TNS3: variants seen among roughly 807,000 people sequenced by gnomAD.
The protein encoded by TNS3 is tensin-3.
TNS3 carries 45 observed loss-of-function variants against 140.9 expected under a neutral mutation model. The observed-to-expected ratio is 0.32, with a 90% CI of 0.25 to 0.41. The LOEUF is 0.41. TNS3 is among the 10% of genes least tolerant of loss of function. TNS3 has a pLI of 1.00. For synonymous variants in TNS3, 815 were observed against 788.4 expected, an observed-to-expected ratio of 1.03 and a Z score of -0.56; for missense variants, 1,716 against 1,906.7, an observed-to-expected ratio of 0.90 and a Z score of 1.86.
intron 1 of TNS3, among the ~76,000 whole-genome samples, chr7:47,552,797 G>C (rs1051122235): frequency 2.0e-5 from 3 of 152,174 alleles, no homozygotes; most frequent in African/African-American, 7.2e-5. Context: ...TCTCTTAAAA[G>C]CTAGAAATGA....
chr7:47,435,441 T>C (rs1448939440), intron 7 of TNS3, 37 bp from the exon 8 acceptor site: 9 of 1,609,256 alleles, frequency 5.6e-6, no homozygotes, highest in East Asian at 2.2e-5. Context: ...GGTTTCCATT[T>C]CCTAAAACCT....
chr7:47,491,202 T>C (rs1356278632), intron 3 of TNS3, among the ~76,000 whole-genome samples: 3 of 152,204 alleles, frequency 2.0e-5, no homozygotes, highest in Non-Finnish European at 4.4e-5. Context: ...AGGCTGAACA[T>C]GCACGGTATG....
chr7:47,389,104 G>A (rs377708128), intron 16 of TNS3, among the ~76,000 whole-genome samples: 2,273 of 29,878 alleles, frequency 0.076, 661 homozygotes, highest in African/African-American at 0.39. Context: ...AAGAGGAAGC[G>A]GAAGCAGAAG....
In TNS3 at chr7:47,277,738, T is replaced by G; in HGVS notation, c.*338A>C. ...TTCCTCATCCCCCGGAATGCTAGTG[T>G]GCCAGGGACATGGGGACCACCTCGT... On this transcript the variant is annotated 3_prime_UTR_variant, in exon 31 of 31. Coordinates refer to ENST00000311160, the MANE Select transcript of TNS3 (RefSeq NM_022748.12). The G allele has an allele frequency of 2.7e-6, 1 of 367,764 alleles. No homozygotes were observed. Among genetic ancestry groups the G allele is most frequent in the Non-Finnish European group, 5.2e-6 (1 of 192,608 alleles). 22.8% of individuals were successfully genotyped at this position (367,764 alleles called of 1,614,324 possible). A position where few individuals can be genotyped will look rare whatever the true frequency, so the allele number is the denominator to read the frequency against.
In TNS3 at chr7:47,275,643, T is replaced by C; in HGVS notation, c.*2433A>G. On this transcript the variant is annotated 3_prime_UTR_variant, in exon 31 of 31. Transcript: ENST00000311160. ...CACAGCTTGTTCTGTTTAATGCACA[T>C]GTAACACAAAAGGAAGAAAGAAACT... is the stretch of plus-strand genomic sequence containing the variant. The C allele has an allele frequency of 2.7e-6, 1 of 374,020 alleles. No individual in the cohort carries two copies. Among genetic ancestry groups the C allele is most frequent in the South Asian group, 2.0e-5 (1 of 49,632 alleles). The allele number at this position is 374,020 out of a possible 1,614,324, so 23.2% of individuals were successfully genotyped here.
chr7:47,520,560 G>C (rs1186359862), intron 2 of TNS3, among the ~76,000 whole-genome samples: 2 of 152,202 alleles, frequency 1.3e-5, no homozygotes, highest in Non-Finnish European at 2.9e-5. Flanking sequence ...CCCAGCCACA[G>C]AGTTAGAAAA....
intron 1 of TNS3, among the ~76,000 whole-genome samples, chr7:47,534,318 C>T (rs1799525490): frequency 6.6e-6 from 1 of 151,416 alleles, no homozygotes; most frequent in African/African-American, 2.4e-5. Flanking sequence ...GAGTCCTGAA[C>T]CAAGCAGAAG....
chr7:47,393,505 G>A (rs992380596), intron 16 of TNS3, among the ~76,000 whole-genome samples: 13 of 152,206 alleles, frequency 8.5e-5, no homozygotes, highest in Admixed American at 2.6e-4. Context: ...TCCGTGTGGC[G>A]GGTTCTGGGC....
intron 16 of TNS3, chr7:47,396,554 T>C (rs1394940124): frequency 1.9e-6 from 1 of 519,260 alleles, no homozygotes. Flanking sequence ...TGGATATAAC[T>C]TCACTGACAG....
intron 20 of TNS3, among the ~76,000 whole-genome samples, chr7:47,333,317 A>C (rs1484628724): frequency 6.6e-6 from 1 of 152,196 alleles, no homozygotes; most frequent in Non-Finnish European, 1.5e-5. Context: ...ATGTTTGCTA[A>C]TCCACACCAG....
chr7:47,377,743 C>A (rs1791489525), intron 16 of TNS3, among the ~76,000 whole-genome samples: 1 of 150,754 alleles, frequency 6.6e-6, no homozygotes, highest in Non-Finnish European at 1.5e-5. Flanking sequence ...CTCCTCCTCC[C>A]TTTCCTCTTC....
At chr7:47,363,660 G>A (rs1215924628) in intron 17 of TNS3, among the ~76,000 whole-genome samples, 1 of 152,210 alleles carries the variant, frequency 6.6e-6, no homozygotes, top group Non-Finnish European at 1.5e-5. Context: ...AGGCAGGCCA[G>A]CAAGAAGGGG....
intron 20 of TNS3, among the ~76,000 whole-genome samples, chr7:47,343,190 G>A (rs1562614593): frequency 6.6e-6 from 1 of 152,148 alleles, no homozygotes; most frequent in Non-Finnish European, 1.5e-5. Flanking sequence ...GCTCATCCAC[G>A]CACAGGACAT....
intron 20 of TNS3, among the ~76,000 whole-genome samples, chr7:47,320,570 G>T (rs960124194): frequency 6.6e-6 from 1 of 152,182 alleles, no homozygotes. Flanking sequence ...TGCACAGATG[G>T]CCATCTTCTC....
intron 23 of TNS3, among the ~76,000 whole-genome samples, chr7:47,298,891 G>A (rs1453170951): frequency 6.6e-6 from 1 of 152,250 alleles, no homozygotes; most frequent in Non-Finnish European, 1.5e-5. Flanking sequence ...TGAAGCAGGA[G>A]CTTCTAAACA....
At chr7:47,398,775 C>T (rs961990880) in intron 15 of TNS3, among the ~76,000 whole-genome samples, 5 of 152,092 alleles carry the variant, frequency 3.3e-5, no homozygotes, top group African/African-American at 9.7e-5. Flanking sequence ...GACAAGGATG[C>T]CTACCTTCAC....
At chr7:47,290,189 T>C (rs1353372835) in intron 27 of TNS3, among the ~76,000 whole-genome samples, 1 of 151,962 alleles carries the variant, frequency 6.6e-6, no homozygotes, top group Admixed American at 6.6e-5. Context: ...GGCAAAAAAA[T>C]AAAAAATGAA....
intron 4 of TNS3, among the ~76,000 whole-genome samples, chr7:47,444,681 G>A (rs547529227): frequency 5.8e-5 from 8 of 137,980 alleles, no homozygotes; most frequent in East Asian, 2.1e-4. Context: ...ACAGACCCAC[G>A]GGATCTTCTC....
rs1795354560 is a variant in TNS3, at chr7:47,439,514, G to C, written c.123C>G (p.Leu41=). 2 of 1,613,938 alleles carry C rather than the reference G, an allele frequency of 1.2e-6. No homozygotes were observed. The highest frequency in any genetic ancestry group is 8.5e-7 in the Non-Finnish European group (1 of 1,179,916). The part of the protein sequence containing the change: ...LHNLQEVTRM[L]KSKHGDNYLV... ...GGTAGTTGTCCCCGTGCTTGGACTT[G>C]AGCATGCGCGTGACCTCCTGTAGGT... The change falls in exon 6 of 31, where the codon CTC becomes CTG. Residue 41 remains leucine (L), a synonymous_variant. Coordinates refer to ENST00000311160, the MANE Select transcript of TNS3 (RefSeq NM_022748.12).
Sources: allele counts gnomAD v4.1 joint callset (sites outside exome capture counted in the v4.1 genomes callset), GRCh38; gene constraint gnomAD v4.1.1; transcripts MANE v1.5; gene names NCBI Gene and HGNC (gene_info 2026-07-23, HGNC 2026-07-21).